ABCA12: variants seen among roughly 807,000 people sequenced by gnomAD.
The protein encoded by ABCA12 is ATP binding cassette subfamily A member 12.
In ABCA12, 156 loss-of-function variants were observed where a neutral mutation model predicts 293.5. The ratio of observed to expected loss-of-function variants is 0.53; its 90% CI spans 0.47 to 0.61. The LOEUF is 0.61. Ranked by LOEUF, ABCA12 falls within the 20% of genes least tolerant of loss-of-function variation. The pLI is 0.00. For synonymous variants in ABCA12, 1,063 were observed against 1,108.0 expected (o/e 0.96, Z 0.81); for missense variants, 2,797 against 3,090.2 (o/e 0.91, Z 2.25).
In ABCA12 at chr2:214,955,331, C is replaced by T. The variant is rs763861788; in HGVS notation, c.6264G>A (p.Leu2088=). 1 of 1,614,130 alleles carries T rather than the reference C, an allele frequency of 6.2e-7. No individual in the cohort carries two copies. Among genetic ancestry groups the T allele is most frequent in the Non-Finnish European group, 8.5e-7 (1 of 1,180,004 alleles). The change falls in exon 43 of 53, where the codon CTG becomes CTA. Residue 2088 remains leucine, a synonymous_variant. Transcript: ENST00000272895. ...TTCCTGTTTCATGGAAGAGCCCAGC[C>T]AGCAAGTACATCCAGGAAAATGTTG... The part of the protein sequence containing the change: ...GYATFSWMYL[L]AGLFHETGMA...
At chr2:214,959,544 G>A (rs529982851) in intron 39 of ABCA12, among the ~76,000 whole-genome samples, 156 of 152,250 alleles carry the variant, frequency 1.0e-3, no homozygotes, top group African/African-American at 3.6e-3. Flanking sequence ...TGCTGTCTGT[G>A]TTGGGGAAAT....
At chr2:215,048,352 A>T (rs1448871593) in intron 6 of ABCA12, among the ~76,000 whole-genome samples, 1 of 152,078 alleles carries the variant, frequency 6.6e-6, no homozygotes, top group Non-Finnish European at 1.5e-5. Flanking sequence ...TCCTACTATA[A>T]AGACATATGC....
At chr2:215,028,748 A>C (rs915433378) in intron 9 of ABCA12, among the ~76,000 whole-genome samples, 1 of 152,206 alleles carries the variant, frequency 6.6e-6, no homozygotes, top group African/African-American at 2.4e-5. Context: ...TAGGTTATGC[A>C]TGTAATATGA....
chr2:215,004,086 C>G, intron 20 of ABCA12, 123 bp downstream of exon 20: 1 of 776,540 alleles, frequency 1.3e-6, no homozygotes, highest in Non-Finnish European at 2.1e-6. Flanking sequence ...TCTCATTTTT[C>G]TTTGAGTAGC....
At chr2:215,004,561 C>A (rs913571089) in intron 19 of ABCA12, among the ~76,000 whole-genome samples, 1 of 152,204 alleles carries the variant, frequency 6.6e-6, no homozygotes, top group South Asian at 2.1e-4. Flanking sequence ...CAATTATCAA[C>A]ATTAGAAATT....
chr2:215,052,434 C>T, intron 5 of ABCA12, 53 bp downstream of exon 5: 1 of 1,441,014 alleles, frequency 6.9e-7, no homozygotes, highest in Non-Finnish European at 9.8e-7. Flanking sequence ...TTCTATTAAC[C>T]TAAAAGGCCT....
intron 52 of ABCA12, 138 bp from the exon 53 acceptor site, chr2:214,932,879 C>A: frequency 2.9e-6 from 2 of 695,832 alleles, no homozygotes; most frequent in Non-Finnish European, 5.1e-6. Context: ...CCTATAAAAT[C>A]CAAATCCTAG....
Position 215,075,679 on chromosome 2 carries a change from A to G in ABCA12, c.164-11460T>C, listed in dbSNP as rs376114185. 1.2e-4 allele frequency: 78 copies of G among 624,518 alleles called. 2 individuals carry two copies. In the African/African-American group the frequency reaches 1.3e-3, roughly 11 times the overall value. The allele number at this position is 624,518 out of a possible 1,614,324, so 38.7% of individuals were successfully genotyped here. On this transcript the variant is annotated intron_variant, in intron 2 of 52. Coordinates refer to ENST00000272895, the MANE Select transcript of ABCA12 (RefSeq NM_173076.3). The stretch of plus-strand genomic sequence containing the variant: ...CTTAAAATGAAGATTATGTTTGGAA[A>G]TCAAAATATAATTTTGATAACCCAT...
At chr2:215,084,903 G>A (rs769520902) in intron 2 of ABCA12, among the ~76,000 whole-genome samples, 50 of 151,904 alleles carry the variant, frequency 3.3e-4, no homozygotes, top group Non-Finnish European at 5.2e-4. Flanking sequence ...AGACCAGCCT[G>A]GCCAACATGG....
At chr2:214,948,479 C>T in intron 47 of ABCA12, 117 bp downstream of exon 47, 2 of 1,081,738 alleles carry the variant, frequency 1.8e-6, no homozygotes, top group Non-Finnish European at 2.7e-6. Context: ...CAATGTTTTC[C>T]AGGTGGTTTT....
At chr2:214,953,421 A>T (rs1015044976) in intron 44 of ABCA12, among the ~76,000 whole-genome samples, 9 of 152,210 alleles carry the variant, frequency 5.9e-5, no homozygotes, top group Admixed American at 2.0e-4. Flanking sequence ...CTTCTCATTT[A>T]TGATGCTGTC....
intron 11 of ABCA12, among the ~76,000 whole-genome samples, chr2:215,021,492 T>C (rs962002028): frequency 7.2e-5 from 11 of 152,208 alleles, no homozygotes; most frequent in Admixed American, 2.0e-4. Flanking sequence ...ATATATTCCA[T>C]GCCCTACATC....
intron 37 of ABCA12, among the ~76,000 whole-genome samples, 154 bp downstream of exon 37, chr2:214,970,119 A>G (rs78298811): frequency 0.032 from 4,893 of 152,182 alleles, 165 homozygotes; most frequent in African/African-American, 0.082. Flanking sequence ...TAGAGTCATT[A>G]TTTACATTTC....
rs146112455 is a variant in ABCA12 at position 215,040,438 on chromosome 2, T to C, written c.873-3373A>G. 4.8e-3 allele frequency among the ~76,000 whole-genome samples: 724 copies of C among 150,884 alleles called. 5 individuals are homozygous for C. The highest frequency in any genetic ancestry group is 0.017 in the African/African-American group (678 of 40,228). On this transcript the variant is annotated intron_variant, in intron 7 of 52. Transcript: ENST00000272895. ...ATCATTGCACAGCTGTCAGGATGCA[T>C]ATTATTAAATAAAAAAAAGACAAAA...
chr2:215,126,880 C>T (rs1392161591), intron 1 of ABCA12, among the ~76,000 whole-genome samples: 4 of 151,832 alleles, frequency 2.6e-5, no homozygotes, highest in African/African-American at 9.7e-5. Flanking sequence ...GAGGTGTGAC[C>T]TTAGAGTGTC....
intron 2 of ABCA12, chr2:215,080,629 C>T (rs1463348014): frequency 6.6e-6 from 1 of 152,596 alleles, no homozygotes; most frequent in Admixed American, 6.5e-5. Flanking sequence ...GAAACAATCA[C>T]CCTAGGCTGT....
In ABCA12 at chr2:215,048,554, T is replaced by A. The variant is rs867705806; in HGVS notation, c.693+1072A>T. Among the ~76,000 whole-genome samples, 24 of 137,188 alleles carry A rather than the reference T, an allele frequency of 1.7e-4. 1 individual carries two copies. The highest frequency in any genetic ancestry group is 6.5e-4 in the African/African-American group (23 of 35,354). 90.0% of individuals were successfully genotyped at this position (137,188 alleles called of 152,430 possible). A position where few individuals can be genotyped will look rare whatever the true frequency, so the allele number is the denominator to read the frequency against. On this transcript the variant is annotated intron_variant, in intron 6 of 52. Transcript: ENST00000272895. ...TACTAATAATACAAAAAAAAAAAAATTAGCTGGGTGTGGTGGCCTGCACCT... is the reference window on the plus strand; with the variant it reads ...TACTAATAATACAAAAAAAAAAAAAATAGCTGGGTGTGGTGGCCTGCACCT...
chr2:215,131,060 GTATA>G (rs1027287364), intron 1 of ABCA12, among the ~76,000 whole-genome samples: 1 of 151,768 alleles, frequency 6.6e-6, no homozygotes, highest in African/African-American at 2.4e-5. Flanking sequence ...ATTGATTTGT[GTATA>G]TTGAGCCATC....
intron 1 of ABCA12, among the ~76,000 whole-genome samples, chr2:215,121,687 C>A (rs578220895): frequency 6.6e-6 from 1 of 152,240 alleles, no homozygotes; most frequent in South Asian, 2.1e-4. Flanking sequence ...CCCATAATCC[C>A]CATGTGTTGT....
Sources: gnomAD v4.1 joint callset for allele counts (sites outside exome capture counted in the v4.1 genomes callset) on GRCh38, gnomAD v4.1.1 for gene constraint, MANE v1.5 for transcripts, NCBI Gene and HGNC (gene_info 2026-07-23, HGNC 2026-07-21) for gene names.